IL1RAPL2: variants seen among roughly 807,000 people sequenced by gnomAD.
IL1RAPL2 encodes the protein interleukin 1 receptor accessory protein like 2.
Under a neutral mutation model 44.1 loss-of-function variants are expected in IL1RAPL2, and 3 were observed. That is an observed-to-expected ratio of 0.07 (90% CI 0.03 to 0.18). The LOEUF is 0.18. Among genes scored for constraint, IL1RAPL2 ranks in the 10% least tolerant of loss-of-function variants. The pLI, the probability that IL1RAPL2 is intolerant of heterozygous loss-of-function variation, is 1.00. For synonymous variants in IL1RAPL2, 181 were observed against 178.8 expected (o/e 1.01, Z -0.10); for missense variants, 391 against 496.4 (o/e 0.79, Z 2.02).
rs1248377537 is a variant in IL1RAPL2, at chrX:104,566,692, G to C, written c.-379G>C. On this transcript the variant is annotated 5_prime_UTR_variant, in exon 1 of 11. Transcript: ENST00000372582. ...AGGAGAGTCTAGTCACTGAGAGACA[G>C]AGGCAGCATCTGCCATTCTAACTAC... 1 of 113,258 alleles carries C rather than the reference G, an allele frequency of 8.8e-6. No individual in the cohort carries two copies. Among genetic ancestry groups the C allele is most frequent in the Non-Finnish European group, 1.9e-5 (1 of 53,435 alleles). 9.3% of individuals were successfully genotyped at this position (113,258 alleles called of 1,213,427 possible).
intron 2 of IL1RAPL2, among the ~76,000 whole-genome samples, chrX:105,185,114 C>T (rs2033572952): frequency 9.0e-6 from 1 of 111,420 alleles, no homozygotes; most frequent in Non-Finnish European, 1.9e-5. Flanking sequence ...GTAAGACAAG[C>T]TTTTAGTCAC....
At chrX:104,968,633 A>G (rs1209255377) in intron 2 of IL1RAPL2, among the ~76,000 whole-genome samples, 2 of 111,565 alleles carry the variant, frequency 1.8e-5, no homozygotes, top group African/African-American at 6.5e-5. Flanking sequence ...TACATAGAAA[A>G]CCTGAGATAA....
chrX:105,731,528 A>C (rs1284035692), intron 7 of IL1RAPL2, among the ~76,000 whole-genome samples: 1 of 111,547 alleles, frequency 9.0e-6, no homozygotes, highest in African/African-American at 3.3e-5. Context: ...TTATTGAAGC[A>C]CTATTGACAA....
intron 10 of IL1RAPL2, among the ~76,000 whole-genome samples, chrX:105,757,376 A>T (rs1044897973): frequency 5.4e-5 from 6 of 112,124 alleles, no homozygotes; most frequent in Non-Finnish European, 1.1e-4. Context: ...ATTTTAAAAT[A>T]ATTTTACTAG....
intron 2 of IL1RAPL2, among the ~76,000 whole-genome samples, chrX:105,081,215 C>A (rs944553417): frequency 1.8e-5 from 2 of 111,127 alleles, no homozygotes; most frequent in African/African-American, 6.5e-5. Context: ...TTATTTCTTT[C>A]TCTTACCTGA....
intron 2 of IL1RAPL2, among the ~76,000 whole-genome samples, chrX:104,747,231 G>C (rs1198328911): frequency 3.6e-5 from 4 of 110,690 alleles, no homozygotes; most frequent in Non-Finnish European, 5.7e-5. Context: ...CTGCTCCATG[G>C]AGACTTTCTT....
At chrX:105,413,226 G>C (rs1332733143) in intron 5 of IL1RAPL2, among the ~76,000 whole-genome samples, 1 of 111,579 alleles carries the variant, frequency 9.0e-6, no homozygotes, top group African/African-American at 3.3e-5. Flanking sequence ...TCCCCATGTG[G>C]TAAACAGAAT....
At chrX:105,231,559 C>G (rs781865577) in intron 3 of IL1RAPL2, among the ~76,000 whole-genome samples, 1 of 112,320 alleles carries the variant, frequency 8.9e-6, no homozygotes, top group African/African-American at 3.2e-5. Flanking sequence ...AATCAACTAA[C>G]GTTTACTAAG....
rs191390383 is a variant in IL1RAPL2, at chrX:105,228,103, C to G, written c.357-5715C>G. Among the ~76,000 whole-genome samples, 71 of 112,093 alleles carry G rather than the reference C, an allele frequency of 6.3e-4. 1 individual carries two copies. The East Asian group carries it at 0.02, about 31-fold the overall frequency. On this transcript the variant is annotated intron_variant, in intron 3 of 10. Coordinates refer to ENST00000372582, the MANE Select transcript of IL1RAPL2 (RefSeq NM_017416.2). ...CTTATGTTTTAACGTCAGTCTTATT[C>G]AATGACTGTAGATCGATTAATTGAT...
intron 6 of IL1RAPL2, among the ~76,000 whole-genome samples, chrX:105,536,401 TTAA>T (rs1386683997): frequency 9.6e-6 from 1 of 103,736 alleles, no homozygotes; most frequent in Non-Finnish European, 2.0e-5. Flanking sequence ...CTTGAAGTTA[TTAA>T]TGTTAATTGA....
chrX:104,624,140 T>A (rs1162692589), intron 1 of IL1RAPL2, among the ~76,000 whole-genome samples: 1 of 112,065 alleles, frequency 8.9e-6, no homozygotes, highest in Admixed American at 9.6e-5. Flanking sequence ...CTATTTATTC[T>A]TTCTTTTTGA....
intron 6 of IL1RAPL2, among the ~76,000 whole-genome samples, chrX:105,662,606 G>A (rs2037728689): frequency 8.9e-6 from 1 of 112,140 alleles, no homozygotes; most frequent in African/African-American, 3.2e-5. Context: ...AACAAATAGA[G>A]TAAAACAAAG....
At chrX:105,241,148 T>C (rs1556207927) in intron 4 of IL1RAPL2, among the ~76,000 whole-genome samples, 1 of 110,684 alleles carries the variant, frequency 9.0e-6, no homozygotes, top group Non-Finnish European at 1.9e-5. Flanking sequence ...TTTTGGATGC[T>C]TCAGGGGCCC....
At chrX:105,730,352 C>T (rs1188272157) in intron 7 of IL1RAPL2, among the ~76,000 whole-genome samples, 3 of 110,676 alleles carry the variant, frequency 2.7e-5, no homozygotes, top group Non-Finnish European at 3.8e-5. Flanking sequence ...CACAGGAGCA[C>T]CCAGATATAT....
At chrX:105,742,223 A>G (rs986063463) in intron 8 of IL1RAPL2, among the ~76,000 whole-genome samples, 1 of 111,498 alleles carries the variant, frequency 9.0e-6, no homozygotes, top group Non-Finnish European at 1.9e-5. Context: ...AGCCAGCACT[A>G]TGATAGGTGC....
intron 2 of IL1RAPL2, among the ~76,000 whole-genome samples, chrX:104,711,823 G>A: frequency 9.0e-6 from 1 of 111,104 alleles, no homozygotes; most frequent in East Asian, 2.9e-4. Flanking sequence ...TAGAATAAAT[G>A]TAGTCATATA....
At position 104,956,770 on chromosome X, in the gene IL1RAPL2, C is replaced by T. The variant is rs774980998; in HGVS notation, c.83-238705C>T. Among the ~76,000 whole-genome samples the T allele has an allele frequency of 3.0e-3, 337 of 111,675 alleles. 1 individual carries two copies. The highest frequency in any genetic ancestry group is 5.2e-3 in the Non-Finnish European group (274 of 53,151). On this transcript the variant is annotated intron_variant, in intron 2 of 10. Coordinates refer to ENST00000372582, the MANE Select transcript of IL1RAPL2 (RefSeq NM_017416.2). ...CTGGTGGCCAAGGGTTTGCCACTGA[C>T]GTACATACTCTGTCCTTTTTTCTCA... is the stretch of plus-strand genomic sequence containing the variant.
Position 105,329,024 on chromosome X carries a change from C to A in IL1RAPL2, c.697+61483C>A, listed in dbSNP as rs569236490. On this transcript the variant is annotated intron_variant, in intron 5 of 10. Coordinates refer to ENST00000372582, the MANE Select transcript of IL1RAPL2 (RefSeq NM_017416.2). ...GTGCTGACTGGTGTTTATCACAACT[C>A]TATATCTGGCAGGTCACTGCTGCCA... Among the ~76,000 whole-genome samples the A allele has an allele frequency of 2.1e-4, 24 of 112,466 alleles. No individual in the cohort carries two copies. The South Asian group carries it at 8.4e-3, about 40-fold the overall frequency.
chrX:104,649,713 A>G (rs16985097), intron 1 of IL1RAPL2, among the ~76,000 whole-genome samples: 18,799 of 111,004 alleles, frequency 0.17, 3,936 homozygotes, highest in African/African-American at 0.59. Flanking sequence ...GTGCTATTTG[A>G]AACTAGCTGA....
Sources: gnomAD v4.1 joint callset for allele counts (sites outside exome capture counted in the v4.1 genomes callset) on GRCh38, gnomAD v4.1.1 for gene constraint, MANE v1.5 for transcripts, NCBI Gene and HGNC (gene_info 2026-07-23, HGNC 2026-07-21) for gene names.